The following MBTPS1 variants were observed in gnomAD, a reference collection of about 807,000 sequenced individuals.
MBTPS1 encodes the protein membrane-bound transcription factor site-1 protease.
Under a neutral mutation model 127.8 loss-of-function variants are expected in MBTPS1, and 94 were observed. The observed-to-expected ratio is 0.74, with a 90% CI of 0.62 to 0.87. The LOEUF (loss-of-function observed/expected upper bound fraction) is 0.87, where lower values mean the gene tolerates loss of function less well. Among genes scored for constraint, MBTPS1 ranks in the 40% least tolerant of loss-of-function variants. The probability of loss-of-function intolerance (pLI) is 0.00; values close to 1 mark genes in which losing one functional copy is unlikely to be tolerated. For missense variants in MBTPS1, 1,636 were observed against 1,353.2 expected (o/e 1.21, Z -3.28); for synonymous variants, 632 against 509.4 (o/e 1.24, Z -3.24).
chr16:84,096,307 C>G (rs1039261480), intron 3 of MBTPS1, among the ~76,000 whole-genome samples: 1 of 152,172 alleles, frequency 6.6e-6, no homozygotes, highest in Non-Finnish European at 1.5e-5. Flanking sequence ...ATATTCTTAT[C>G]TGCTAGAATT....
chr16:84,095,973 T>C (rs2086174602), intron 3 of MBTPS1, among the ~76,000 whole-genome samples, 168 bp from the exon 4 acceptor site: 1 of 152,186 alleles, frequency 6.6e-6, no homozygotes, highest in East Asian at 1.9e-4. Context: ...GCAATTATAA[T>C]TATAGGACGT....
At chr16:84,103,694 T>C (rs1309292404) in intron 1 of MBTPS1, among the ~76,000 whole-genome samples, 1 of 152,178 alleles carries the variant, frequency 6.6e-6, no homozygotes, top group African/African-American at 2.4e-5. Flanking sequence ...AATATGTGCT[T>C]CTACGAGTAG....
In MBTPS1 at chr16:84,085,205, T is replaced by G. The variant is rs2086002980; in HGVS notation, c.1135-71A>C. The stretch of plus-strand genomic sequence containing the variant: ...ACAGCCGCATGCAATCATGAGTGAA[T>G]CAAATCAGAACAGAGATATGGGTTA... On this transcript the variant is annotated intron_variant, in intron 9 of 22. Transcript: ENST00000343411. 3 of 1,461,192 alleles carry G rather than the reference T, an allele frequency of 2.1e-6. No homozygotes were observed. The South Asian group carries it at 3.6e-5, about 17-fold the overall frequency. The allele number at this position is 1,461,192 out of a possible 1,614,324, so 90.5% of individuals were successfully genotyped here.
chr16:84,098,912 T>C, intron 3 of MBTPS1, 141 bp downstream of exon 3: 1 of 873,984 alleles, frequency 1.1e-6, no homozygotes, highest in Non-Finnish European at 1.8e-6. Flanking sequence ...AACTAAAAAA[T>C]TCCTACCAGG....
At chr16:84,089,075 G>C (rs553586510) in intron 8 of MBTPS1, among the ~76,000 whole-genome samples, 1 of 152,270 alleles carries the variant, frequency 6.6e-6, no homozygotes, top group Non-Finnish European at 1.5e-5. Context: ...AGTCCGAACA[G>C]CATGCGAAAG....
chr16:84,057,643 C>T (rs527354899), intron 21 of MBTPS1: 19 of 152,350 alleles, frequency 1.2e-4, no homozygotes, highest in African/African-American at 3.8e-4. Flanking sequence ...GGAGCTGTCT[C>T]CTGGTCTCAA....
intron 3 of MBTPS1, among the ~76,000 whole-genome samples, chr16:84,096,410 G>A (rs1327323816): frequency 1.3e-5 from 2 of 152,178 alleles, no homozygotes; most frequent in Non-Finnish European, 2.9e-5. Context: ...TTTGTTGGTG[G>A]ATATTTGATG....
chr16:84,078,111 C>T (rs1567484715), intron 11 of MBTPS1, among the ~76,000 whole-genome samples: 2 of 146,788 alleles, frequency 1.4e-5, no homozygotes, highest in Admixed American at 6.9e-5. Flanking sequence ...ACACTGCTCA[C>T]GCAATACCAA....
At position 84,065,714 on chromosome 16, in the gene MBTPS1, T is replaced by A; in HGVS notation, c.2407A>T (p.Ile803Leu). The A allele has an allele frequency of 6.2e-7, 1 of 1,612,764 alleles. No individual in the cohort carries two copies. The highest frequency in any genetic ancestry group is 8.5e-7 in the Non-Finnish European group (1 of 1,179,544). ...CCTTGGTCCTTGAAAGTCTGTGTTA[T>A]CACGACGCCATCTTCTGGAAACTTC... ...IAKFPEDGVV[I>L]TQTFKDQGLE... The change falls in exon 18 of 23, where the codon ATA becomes TTA. Residue 803 changes from isoleucine (I) to leucine (L), a missense_variant. Ile to Leu is a conservative substitution (Grantham distance 5). Coordinates refer to ENST00000343411, the MANE Select transcript of MBTPS1 (RefSeq NM_003791.4).
Position 84,101,655 on chromosome 16 carries a change from C to T in MBTPS1, c.129G>A (p.Leu43=). ...APCPGCSHLT[L]KVEFSSTVVE... is the part of the protein sequence containing the mutation. ...CAACTGTTGATGAGAATTCCACCTTCAAAGTCAGGTGGGAACAGCCAGGGC... is the reference window on the plus strand; with the variant it reads ...CAACTGTTGATGAGAATTCCACCTTTAAAGTCAGGTGGGAACAGCCAGGGC... Residue 43 remains leucine (L), a synonymous_variant, in exon 2 of 23, where the codon TTG becomes TTA. Coordinates refer to ENST00000343411, the MANE Select transcript of MBTPS1 (RefSeq NM_003791.4). The T allele has an allele frequency of 6.2e-7, 1 of 1,614,002 alleles. No homozygotes were observed. The highest frequency in any genetic ancestry group is 8.5e-7 in the Non-Finnish European group (1 of 1,179,926).
intron 22 of MBTPS1, among the ~76,000 whole-genome samples, chr16:84,055,400 G>C (rs1484169207): frequency 6.6e-6 from 1 of 152,234 alleles, no homozygotes; most frequent in African/African-American, 2.4e-5. Context: ...GGGGACTCTA[G>C]AGCAAAAGAA....
At chr16:84,066,261 T>C (rs1016775657) in intron 17 of MBTPS1, among the ~76,000 whole-genome samples, 2 of 152,210 alleles carry the variant, frequency 1.3e-5, no homozygotes, top group South Asian at 4.1e-4. Flanking sequence ...AAGACTCTAA[T>C]AGGTGGCACT....
At chr16:84,074,807 T>C (rs2085829059) in intron 11 of MBTPS1, 66 bp from the exon 12 acceptor site, 14 of 1,437,464 alleles carry the variant, frequency 9.7e-6, no homozygotes, top group African/African-American at 2.8e-5. Context: ...AACACAACTG[T>C]ACAAGACAGA....
At chr16:84,057,951 G>C (rs1427940181) in intron 21 of MBTPS1, 1 of 152,224 alleles carries the variant, frequency 6.6e-6, no homozygotes, top group Non-Finnish European at 1.5e-5. Context: ...TGGGTTTCTG[G>C]AAATTCAGCT....
At position 84,090,535 on chromosome 16, in the gene MBTPS1, C is replaced by T. The variant is rs141883204; in HGVS notation, c.1031+340G>A. ...TTGCACACAGATCTCATCAACACTG[C>T]AGAATCCCTAATAGATTCACTTTTC... is the stretch of plus-strand genomic sequence containing the variant. On this transcript the variant is annotated intron_variant, in intron 8 of 22. Coordinates refer to ENST00000343411, the MANE Select transcript of MBTPS1 (RefSeq NM_003791.4). Among the ~76,000 whole-genome samples the T allele has an allele frequency of 2.2e-4, 34 of 152,324 alleles. No individual in the cohort carries two copies. The East Asian group carries it at 6.0e-3, about 27-fold the overall frequency.
At chr16:84,091,345 G>C (rs2086103983) in intron 7 of MBTPS1, among the ~76,000 whole-genome samples, 1 of 152,036 alleles carries the variant, frequency 6.6e-6, no homozygotes, top group South Asian at 2.1e-4. Flanking sequence ...AATTAGCCGG[G>C]CATGGTGGTG....
At chr16:84,062,778 C>G (rs1190702769) in intron 19 of MBTPS1, among the ~76,000 whole-genome samples, 1 of 152,230 alleles carries the variant, frequency 6.6e-6, no homozygotes, top group African/African-American at 2.4e-5. Flanking sequence ...GGGAAGAGGA[C>G]TGGCATGCCT....
chr16:84,087,565 C>CT, intron 8 of MBTPS1, 105 bp from the exon 9 acceptor site: 1 of 724,144 alleles, frequency 1.4e-6, no homozygotes, highest in Non-Finnish European at 2.3e-6. Context: ...CCAGAACAAT[C>CT]TAACACTGTA....
intron 11 of MBTPS1, among the ~76,000 whole-genome samples, chr16:84,076,926 G>T (rs1325618139): frequency 1.3e-5 from 2 of 152,136 alleles, no homozygotes; most frequent in African/African-American, 4.8e-5. Context: ...AAACAAACAT[G>T]CAAGAATAGC....
Sources: gnomAD v4.1 joint callset for allele counts (sites outside exome capture counted in the v4.1 genomes callset) on GRCh38, gnomAD v4.1.1 for gene constraint, MANE v1.5 for transcripts, NCBI Gene and HGNC (gene_info 2026-07-23, HGNC 2026-07-21) for gene names.